The following TENM3 variants were observed in gnomAD, a reference collection of about 807,000 sequenced individuals.
TENM3 encodes teneurin transmembrane protein 3, also known as teneurin-3.
In TENM3, 63 loss-of-function variants were observed where a neutral mutation model predicts 255.1. That is an observed-to-expected ratio of 0.25 (90% confidence interval 0.20 to 0.30). TENM3 has a LOEUF of 0.30. Among genes scored for constraint, TENM3 ranks in the 10% least tolerant of loss-of-function variants. The pLI is 1.00. For synonymous variants in TENM3, 1,306 were observed against 1,322.3 expected, an observed-to-expected ratio of 0.99 and a Z score of 0.27; for missense variants, 2,929 against 3,461.1, an observed-to-expected ratio of 0.85 and a Z score of 3.86.
the TENM3 span, among the ~76,000 whole-genome samples, chr4:181,823,187 T>G: frequency 1.3e-5 from 2 of 152,212 alleles, no homozygotes; most frequent in East Asian, 3.9e-4. Context: ...GACTTTTTGG[T>G]AACAGATTAT....
the TENM3 span, among the ~76,000 whole-genome samples, chr4:181,801,119 T>A: frequency 6.6e-6 from 1 of 152,164 alleles, no homozygotes; most frequent in Admixed American, 6.5e-5. Context: ...ATTATCATGG[T>A]AGACAGGCTG....
chr4:182,633,778 A>G (rs1751605434), intron 5 of TENM3, among the ~76,000 whole-genome samples: 1 of 152,248 alleles, frequency 6.6e-6, no homozygotes, highest in Non-Finnish European at 1.5e-5. Context: ...GGACTCTTAC[A>G]CTATACTGTC....
At chr4:181,911,721 C>T in the TENM3 span, among the ~76,000 whole-genome samples, 1 of 151,994 alleles carries the variant, frequency 6.6e-6, no homozygotes, top group South Asian at 2.1e-4. Flanking sequence ...GTCTAATATC[C>T]TTATGAAAAT....
the TENM3 span, among the ~76,000 whole-genome samples, chr4:181,726,266 C>T: frequency 6.6e-6 from 1 of 152,076 alleles, no homozygotes; most frequent in Non-Finnish European, 1.5e-5. Flanking sequence ...CCTGGGGAGT[C>T]AAAATGAGTA....
intron 2 of TENM3, among the ~76,000 whole-genome samples, chr4:182,331,225 C>T (rs962517099): frequency 9.9e-5 from 15 of 152,160 alleles, no homozygotes; most frequent in African/African-American, 3.1e-4. Context: ...CAAATCTACT[C>T]TATTACCTAT....
At chr4:181,468,875 G>A in the TENM3 span, among the ~76,000 whole-genome samples, 3 of 152,266 alleles carry the variant, frequency 2.0e-5, no homozygotes, top group East Asian at 5.8e-4. Context: ...TGGAAAAGTC[G>A]TTACATTTTA....
At chr4:182,250,107 C>A (rs937467411) in intron 1 of TENM3, among the ~76,000 whole-genome samples, 1 of 144,200 alleles carries the variant, frequency 6.9e-6, no homozygotes, top group African/African-American at 2.6e-5. Flanking sequence ...GACTGGAGTG[C>A]AGTGGTGCGA....
At chr4:182,045,981 G>A in the TENM3 span, among the ~76,000 whole-genome samples, 3 of 152,174 alleles carry the variant, frequency 2.0e-5, no homozygotes, top group Admixed American at 6.5e-5. Context: ...CCAGGAGGTC[G>A]AGGTCACAGT....
chr4:182,101,520 C>T, the TENM3 span, among the ~76,000 whole-genome samples: 10 of 152,084 alleles, frequency 6.6e-5, no homozygotes, highest in African/African-American at 2.4e-4. Context: ...TCAAAACAGT[C>T]AGGACTGCAT....
At chr4:182,300,156 A>G (rs1259837348) in intron 1 of TENM3, among the ~76,000 whole-genome samples, 1 of 152,058 alleles carries the variant, frequency 6.6e-6, no homozygotes, top group Admixed American at 6.6e-5. Flanking sequence ...CCTCAAGTGC[A>G]CAAGGCCTCT....
intron 3 of TENM3, among the ~76,000 whole-genome samples, chr4:182,473,355 T>C (rs910261672): frequency 2.0e-5 from 3 of 152,166 alleles, no homozygotes; most frequent in African/African-American, 7.2e-5. Flanking sequence ...AAACCAAACA[T>C]GTACGCTCTA....
At chr4:182,670,936 T>A (rs1755149272) in intron 6 of TENM3, among the ~76,000 whole-genome samples, 3 of 152,154 alleles carry the variant, frequency 2.0e-5, no homozygotes, top group Admixed American at 1.3e-4. Flanking sequence ...AGTAACAGAA[T>A]ACTAGTAAAT....
intron 3 of TENM3, among the ~76,000 whole-genome samples, chr4:182,560,655 A>G (rs1580939004): frequency 6.6e-6 from 1 of 152,352 alleles, no homozygotes; most frequent in Admixed American, 6.5e-5. Flanking sequence ...AATAAAACCG[A>G]CAAGTATCAC....
At chr4:181,796,544 T>A in the TENM3 span, among the ~76,000 whole-genome samples, 1 of 152,052 alleles carries the variant, frequency 6.6e-6, no homozygotes, top group African/African-American at 2.4e-5. Context: ...GCCAGGGTTA[T>A]GCCAGAGGCA....
At chr4:182,755,356 G>C in intron 22 of TENM3, 97 bp downstream of exon 22, 6 of 1,182,206 alleles carry the variant, frequency 5.1e-6, no homozygotes, top group Non-Finnish European at 6.9e-6. Context: ...AGGATTCCAT[G>C]TTTTTGAGAG....
chr4:182,379,408 G>T (rs1767413521), intron 3 of TENM3, among the ~76,000 whole-genome samples: 1 of 152,138 alleles, frequency 6.6e-6, no homozygotes, highest in African/African-American at 2.4e-5. Context: ...AAATGGGGCA[G>T]GGAAAAGGGA....
intron 1 of TENM3, among the ~76,000 whole-genome samples, chr4:182,236,015 C>T (rs1029486640): frequency 6.6e-6 from 1 of 152,184 alleles, no homozygotes; most frequent in Non-Finnish European, 1.5e-5. Context: ...ACCAGATTCA[C>T]ATTTGCCTTG....
chr4:182,631,505 G>A (rs925862855), intron 5 of TENM3: 7 of 152,098 alleles, frequency 4.6e-5, no homozygotes, highest in Admixed American at 3.9e-4. Flanking sequence ...GATTAAAGAC[G>A]TTGCCTTTAC....
chr4:181,492,172 C>T, the TENM3 span, among the ~76,000 whole-genome samples: 9 of 152,104 alleles, frequency 5.9e-5, no homozygotes, highest in African/African-American at 1.2e-4. Context: ...CATTTATGCA[C>T]GTGAGAAGGT....
Sources: allele counts gnomAD v4.1 joint callset (sites outside exome capture counted in the v4.1 genomes callset), GRCh38; gene constraint gnomAD v4.1.1; transcripts MANE v1.5; gene names NCBI Gene and HGNC (gene_info 2026-07-23, HGNC 2026-07-21).